SOD1: variants seen among roughly 807,000 people sequenced by gnomAD.
SOD1 encodes the protein superoxide dismutase 1.
In SOD1, 8 loss-of-function variants were observed where a neutral mutation model predicts 15.9. That is an observed-to-expected ratio of 0.50 (90% CI 0.30 to 0.91). The LOEUF (loss-of-function observed/expected upper bound fraction) is 0.91. SOD1 is among the 40% of genes least tolerant of loss of function. The pLI, the probability that SOD1 is intolerant of heterozygous loss-of-function variation, is 0.07. For synonymous variants in SOD1, 86 were observed against 71.2 expected (o/e 1.21, Z -1.04); for missense variants, 137 against 194.5 (o/e 0.70, Z 1.76).
intron 3 of SOD1, chr21:31,666,865 TAAAAA>T: frequency 6.0e-6 from 2 of 335,336 alleles, no homozygotes; most frequent in South Asian, 7.2e-5. Context: ...CTTCTGTAGA[TAAAAA>T]AAAAAATTGA....
At chr21:31,667,430 T>A in intron 4 of SOD1, 55 bp downstream of exon 4, 1 of 1,221,740 alleles carries the variant, frequency 8.2e-7, no homozygotes, top group Non-Finnish European at 1.2e-6. Flanking sequence ...CAGTCATGTA[T>A]CTTTTCACTT....
At chr21:31,659,954 C>T (rs1601153626) in intron 1 of SOD1, 113 bp downstream of exon 1, 1 of 1,055,360 alleles carries the variant, frequency 9.5e-7, no homozygotes. Flanking sequence ...CCTGGTCCAG[C>T]GCCCGGTCCC....
chr21:31,665,279 G>A (rs2049583485), intron 2 of SOD1, among the ~76,000 whole-genome samples: 1 of 152,148 alleles, frequency 6.6e-6, no homozygotes, highest in African/African-American at 2.4e-5. Flanking sequence ...GTTAACAGAA[G>A]TTTATGAGTT....
chr21:31,660,393 G>A (rs1408021307), intron 1 of SOD1: 3 of 152,240 alleles, frequency 2.0e-5, no homozygotes, highest in African/African-American at 7.2e-5. Flanking sequence ...GGCTAGGAAT[G>A]GTTTTTATAT....
At chr21:31,664,034 C>G (rs569359601) in intron 2 of SOD1, 148 bp downstream of exon 2, 27 of 670,342 alleles carry the variant, frequency 4.0e-5, no homozygotes, top group Non-Finnish European at 6.2e-5. Context: ...TGCAGTGGCG[C>G]TGTGCGATCA....
At chr21:31,663,671 T>C (rs1019228388) in intron 1 of SOD1, 119 bp from the exon 2 acceptor site, 33 of 771,618 alleles carry the variant, frequency 4.3e-5, no homozygotes, top group Admixed American at 9.9e-5. Flanking sequence ...GCCTGGGATT[T>C]GGACACAGAT....
intron 1 of SOD1, 150 bp downstream of exon 1, chr21:31,659,991 C>T: frequency 1.5e-6 from 1 of 673,456 alleles, no homozygotes; most frequent in South Asian, 2.1e-5. Flanking sequence ...TCGGTGCCTT[C>T]GCCCCCAGCG....
At chr21:31,661,069 G>GT (rs2049544690) in intron 1 of SOD1, among the ~76,000 whole-genome samples, 1 of 152,192 alleles carries the variant, frequency 6.6e-6, no homozygotes, top group African/African-American at 2.4e-5. Context: ...CCTTAGTGAA[G>GT]TTACCAACTG....
chr21:31,663,932 T>G (rs1476102461), intron 2 of SOD1, 46 bp downstream of exon 2: 4 of 1,409,936 alleles, frequency 2.8e-6, no homozygotes, highest in Non-Finnish European at 4.0e-6. Context: ...TCACCCTAGT[T>G]AGATAAACAG....
chr21:31,665,926 G>A (rs2049588481), intron 2 of SOD1, among the ~76,000 whole-genome samples: 1 of 151,640 alleles, frequency 6.6e-6, no homozygotes, highest in Non-Finnish European at 1.5e-5. Flanking sequence ...CCAGAGAAGG[G>A]TGTTAACTTT....
At chr21:31,667,461 T>TA (rs3216079) in intron 4 of SOD1, 86 bp downstream of exon 4, 8 of 1,001,468 alleles carry the variant, frequency 8.0e-6, no homozygotes, top group Non-Finnish European at 1.1e-5. Context: ...TCGCGGTTTC[T>TA]AAAGATCCAG....
At chr21:31,663,736 A>G in intron 1 of SOD1, 54 bp from the exon 2 acceptor site, 2 of 1,366,132 alleles carry the variant, frequency 1.5e-6, no homozygotes, top group Non-Finnish European at 2.1e-6. Context: ...GTAAAGGTAA[A>G]TCAGCTGTTT....
Position 31,668,460 on chromosome 21 carries a change from A to G in SOD1, c.358-11A>G, listed in dbSNP as rs369600566. 4 of 1,610,082 alleles carry G rather than the reference A, an allele frequency of 2.5e-6. No individual in the cohort carries two copies. Among genetic ancestry groups the G allele is most frequent in the Middle Eastern group, 3.3e-4 (2 of 6,078 alleles). ...GACAGCCCAAAGTTATCTTCTTAAA[A>G]TTTTTTACAGGTCCATGAAAAAGCA... On this transcript the variant is annotated splice_polypyrimidine_tract_variant and intron_variant, in intron 4 of 4. Coordinates refer to ENST00000270142, the MANE Select transcript of SOD1 (RefSeq NM_000454.5).
At chr21:31,662,133 A>G (rs1390046603) in intron 1 of SOD1, among the ~76,000 whole-genome samples, 1 of 152,212 alleles carries the variant, frequency 6.6e-6, no homozygotes, top group East Asian at 1.9e-4. Flanking sequence ...ACCCGAGCAC[A>G]GCTACTTAGA....
At position 31,659,763 on chromosome 21, in the gene SOD1, G is replaced by C; in HGVS notation, c.-7G>C. ...GGAACCAGGACCTCGGCGTGGCCTA[G>C]CGAGTTATGGCGACGAAGGCCGTGT... is the stretch of plus-strand genomic sequence containing the variant. On this transcript the variant is annotated 5_prime_UTR_variant, in exon 1 of 5. Coordinates refer to ENST00000270142, the MANE Select transcript of SOD1 (RefSeq NM_000454.5). 6.2e-7 allele frequency: 1 copy of C among 1,613,896 alleles called. No individual in the cohort carries two copies. Among genetic ancestry groups the C allele is most frequent in the Non-Finnish European group, 8.5e-7 (1 of 1,179,876 alleles).
intron 1 of SOD1, among the ~76,000 whole-genome samples, chr21:31,663,039 A>T (rs1350358751): frequency 6.8e-6 from 1 of 146,098 alleles, no homozygotes; most frequent in East Asian, 2.1e-4. Context: ...AAAACTTATG[A>T]TGGACACTTA....
intron 3 of SOD1, 33 bp from the exon 4 acceptor site, chr21:31,667,225 G>A (rs1334508359): frequency 1.3e-6 from 2 of 1,509,184 alleles, no homozygotes; most frequent in Admixed American, 3.4e-5. Context: ...AGTGGCATCA[G>A]CCCTAATCCA....
intron 1 of SOD1, 88 bp from the exon 2 acceptor site, chr21:31,663,702 C>A: frequency 9.5e-7 from 1 of 1,052,254 alleles, no homozygotes; most frequent in Non-Finnish European, 1.5e-6. Context: ...CCAAGTCTGG[C>A]TGCTTTTTAC....
chr21:31,666,968 A>G (rs890079434), intron 3 of SOD1: 6 of 451,646 alleles, frequency 1.3e-5, no homozygotes, highest in African/African-American at 7.8e-5. Flanking sequence ...CAAGATTTTT[A>G]TATCAGAGGC....
Sources: allele counts gnomAD v4.1 joint callset (sites outside exome capture counted in the v4.1 genomes callset), GRCh38; gene constraint gnomAD v4.1.1; transcripts MANE v1.5; gene names NCBI Gene and HGNC (gene_info 2026-07-23, HGNC 2026-07-21).